The following POLE2 variants were observed in gnomAD, a reference collection of about 807,000 sequenced individuals.
POLE2 encodes the protein DNA polymerase epsilon subunit 2.
POLE2 carries 56 observed loss-of-function variants against 79.4 expected under a neutral mutation model. The ratio of observed to expected loss-of-function variants is 0.71; its 90% CI spans 0.57 to 0.88. POLE2 has a LOEUF of 0.88. Ranked by LOEUF, POLE2 falls within the 40% of genes least tolerant of loss-of-function variation. POLE2 has a pLI of 0.00. For missense variants in POLE2, 598 were observed against 638.9 expected (o/e 0.94, Z 0.69); for synonymous variants, 212 against 214.0 (o/e 0.99, Z 0.08).
At chr14:49,651,398 G>C in intron 15 of POLE2, 21 bp from the exon 16 acceptor site, 3 of 1,017,102 alleles carry the variant, frequency 2.9e-6, no homozygotes, top group Non-Finnish European at 4.4e-6. Flanking sequence ...AACAGTAGTT[G>C]AATTTGACTT....
chr14:49,643,713 G>A, intron 18 of POLE2, 43 bp from the exon 19 acceptor site: 1 of 1,003,872 alleles, frequency 1.0e-6, no homozygotes, highest in Admixed American at 2.3e-5. Context: ...AACCTAAGTT[G>A]TATACTTACT....
chr14:49,652,097 C>T (rs1042927426), intron 15 of POLE2, among the ~76,000 whole-genome samples: 7 of 151,986 alleles, frequency 4.6e-5, no homozygotes, highest in Admixed American at 3.9e-4. Context: ...TTTCCAGGAT[C>T]GGGAAGGTGG....
intron 18 of POLE2, among the ~76,000 whole-genome samples, chr14:49,644,770 T>C (rs1883639596): frequency 6.6e-6 from 1 of 152,134 alleles, no homozygotes. Context: ...CTGGGCGCAG[T>C]GGCTCATGCC....
chr14:49,645,060 A>AAAAAAAAAAAAAAAAAAT, intron 18 of POLE2, among the ~76,000 whole-genome samples: 1 of 150,438 alleles, frequency 6.6e-6, no homozygotes, highest in Non-Finnish European at 1.5e-5. Context: ...AAAAAAAAAC[A>AAAAAAAAAAAAAAAAAAT]CTGCAGTAAA....
At chr14:49,644,122 C>T (rs1006690928) in intron 18 of POLE2, among the ~76,000 whole-genome samples, 5 of 150,108 alleles carry the variant, frequency 3.3e-5, no homozygotes, top group Non-Finnish European at 7.4e-5. Flanking sequence ...TCAGGTGATC[C>T]ACCCGCCTCA....
intron 10 of POLE2, among the ~76,000 whole-genome samples, chr14:49,657,648 T>C (rs1566539750): frequency 6.6e-6 from 1 of 152,060 alleles, no homozygotes; most frequent in African/African-American, 2.4e-5. Flanking sequence ...CCATGTTGGC[T>C]AGGCTGGTCT....
At chr14:49,655,551 C>A in intron 11 of POLE2, 120 bp downstream of exon 11, 1 of 710,914 alleles carries the variant, frequency 1.4e-6, no homozygotes, top group Non-Finnish European at 2.4e-6. Context: ...TAAATTATCT[C>A]ATTGCTAACT....
chr14:49,656,392 AAAT>A (rs1482488684), intron 10 of POLE2, among the ~76,000 whole-genome samples: 5 of 152,024 alleles, frequency 3.3e-5, no homozygotes, highest in Non-Finnish European at 7.4e-5. Context: ...GCAAACATTA[AAAT>A]AATAATTTCC....
intron 10 of POLE2, among the ~76,000 whole-genome samples, chr14:49,660,778 C>G (rs1484979810): frequency 6.6e-6 from 1 of 152,198 alleles, no homozygotes; most frequent in Non-Finnish European, 1.5e-5. Context: ...GTAATCCCAG[C>G]TACTTGGGAG....
chr14:49,648,881 G>A (rs45489698), intron 17 of POLE2, among the ~76,000 whole-genome samples: 2 of 152,138 alleles, frequency 1.3e-5, no homozygotes, highest in Non-Finnish European at 2.9e-5. Context: ...CTGGACTCAA[G>A]CCATCTTCCT....
intron 4 of POLE2, 42 bp downstream of exon 4, chr14:49,674,308 T>G: frequency 3.4e-6 from 5 of 1,484,732 alleles, no homozygotes; most frequent in Non-Finnish European, 2.8e-6. Context: ...AAAAAAAAAG[T>G]ACATTTGAAA....
intron 10 of POLE2, among the ~76,000 whole-genome samples, chr14:49,658,528 G>A (rs1319263226): frequency 6.6e-6 from 1 of 152,126 alleles, no homozygotes; most frequent in Non-Finnish European, 1.5e-5. Flanking sequence ...ACTTTAGGAG[G>A]TACAAAAACA....
intron 6 of POLE2, among the ~76,000 whole-genome samples, chr14:49,667,456 T>A (rs1217992083): frequency 6.6e-6 from 1 of 152,166 alleles, no homozygotes; most frequent in African/African-American, 2.4e-5. Context: ...ACCAAACTCC[T>A]ATTAAAGGAC....
intron 10 of POLE2, among the ~76,000 whole-genome samples, chr14:49,662,117 C>T (rs898865405): frequency 6.6e-6 from 1 of 152,182 alleles, no homozygotes; most frequent in Admixed American, 6.6e-5. Context: ...ACCAAAAGCA[C>T]TCAAATAGAG....
intron 17 of POLE2, among the ~76,000 whole-genome samples, chr14:49,648,495 T>A (rs1883951141): frequency 6.6e-6 from 1 of 152,184 alleles, no homozygotes; most frequent in Non-Finnish European, 1.5e-5. Flanking sequence ...AAAGACTATT[T>A]CAATGTGAAT....
At chr14:49,643,956 C>T (rs1265065608) in intron 18 of POLE2, among the ~76,000 whole-genome samples, 7 of 148,340 alleles carry the variant, frequency 4.7e-5, no homozygotes, top group African/African-American at 9.9e-5. Flanking sequence ...CTCGGTTCAC[C>T]GCAACCTCTG....
At chr14:49,655,867 C>A (rs751427964) in intron 10 of POLE2, 24 bp from the exon 11 acceptor site, 10 of 1,142,764 alleles carry the variant, frequency 8.8e-6, no homozygotes, top group African/African-American at 3.1e-5. Context: ...ACATAATTAT[C>A]TTCTATATAC....
chr14:49,645,043 C>CAAAAAAAAAAAAAAAAAAAAA (rs527251561), intron 18 of POLE2, among the ~76,000 whole-genome samples: 27 of 88,270 alleles, frequency 3.1e-4, no homozygotes, highest in Non-Finnish European at 4.3e-4. Context: ...CTCCGTCTCA[C>CAAAAAAAAAAAAAAAAAAAAA]AAAAAAAAAA....
intron 3 of POLE2, among the ~76,000 whole-genome samples, chr14:49,678,632 G>A (rs1031739400): frequency 2.0e-5 from 3 of 151,924 alleles, no homozygotes; most frequent in Non-Finnish European, 2.9e-5. Flanking sequence ...ATGGCTTTAG[G>A]AACATTCATT....
Sources: gnomAD v4.1 joint callset for allele counts (sites outside exome capture counted in the v4.1 genomes callset) on GRCh38, gnomAD v4.1.1 for gene constraint, MANE v1.5 for transcripts, NCBI Gene and HGNC (gene_info 2026-07-23, HGNC 2026-07-21) for gene names.